Variants in CCDC171 observed in about 807,000 individuals in gnomAD.
CCDC171 encodes coiled-coil domain containing 171.
A neutral mutation model predicts 168.2 loss-of-function variants in CCDC171; 177 were observed. That is an observed-to-expected ratio of 1.05 (90% CI 0.93 to 1.19). The LOEUF (loss-of-function observed/expected upper bound fraction) is 1.19, where lower values mean the gene tolerates loss of function less well. Ranked by LOEUF, CCDC171 falls within the 50% of genes most tolerant of loss-of-function variation. CCDC171 has a pLI of 0.00. For missense variants in CCDC171, 1,991 were observed against 1,539.0 expected (o/e 1.29, Z -4.91); for synonymous variants, 687 against 540.8 (o/e 1.27, Z -3.75).
At chr9:16,056,772 G>A (rs1564138370) in intron 1 of CCDC171, among the ~76,000 whole-genome samples, 1 of 152,300 alleles carries the variant, frequency 6.6e-6, no homozygotes, top group Non-Finnish European at 1.5e-5. Context: ...AGAGGTGTGA[G>A]CCACTGTGGC....
chr9:15,625,793 A>G (rs2045032923), intron 7 of CCDC171, among the ~76,000 whole-genome samples: 1 of 152,102 alleles, frequency 6.6e-6, no homozygotes, highest in Non-Finnish European at 1.5e-5. Context: ...TTGTCTTGGC[A>G]ATGCGGGCTC....
chr9:15,898,674 ATGCTATATAT>A (rs1197419468), intron 24 of CCDC171, among the ~76,000 whole-genome samples: 3 of 152,288 alleles, frequency 2.0e-5, no homozygotes, highest in African/African-American at 7.2e-5. Flanking sequence ...AAATATTAGA[ATGCTATATAT>A]TTGCTTTTTT....
chr9:15,887,563 C>T (rs1819599559), intron 24 of CCDC171, among the ~76,000 whole-genome samples: 1 of 152,024 alleles, frequency 6.6e-6, no homozygotes, highest in Non-Finnish European at 1.5e-5. Flanking sequence ...AGCTCCAGGC[C>T]AGAAGTAGTT....
chr9:15,887,923 C>A, intron 24 of CCDC171: 1 of 152,274 alleles, frequency 6.6e-6, no homozygotes, highest in Non-Finnish European at 1.5e-5. Context: ...TCCATCTTTC[C>A]TAGTTCTTTG....
At chr9:15,574,697 T>C (rs1048301317) in intron 3 of CCDC171, among the ~76,000 whole-genome samples, 2 of 152,250 alleles carry the variant, frequency 1.3e-5, no homozygotes, top group Non-Finnish European at 2.9e-5. Context: ...TGCAGTGATT[T>C]AAAAACTAAG....
intron 18 of CCDC171, among the ~76,000 whole-genome samples, chr9:15,765,855 C>T (rs1002481715): frequency 2.0e-5 from 3 of 152,018 alleles, no homozygotes; most frequent in Non-Finnish European, 2.9e-5. Flanking sequence ...GAAAATTCTC[C>T]ATAGGTCTTG....
intron 10 of CCDC171, among the ~76,000 whole-genome samples, chr9:15,682,916 A>T (rs2050134881): frequency 6.6e-6 from 1 of 152,050 alleles, no homozygotes; most frequent in Non-Finnish European, 1.5e-5. Flanking sequence ...GATCATGCTT[A>T]TTAAAGTCCA....
rs182306785 is a variant in CCDC171, at chr9:15,949,305, G to T, written c.3754-22304G>T. On this transcript the variant is annotated intron_variant, in intron 25 of 25. Coordinates refer to ENST00000380701, the MANE Select transcript of CCDC171 (RefSeq NM_173550.4). ...GGCTTGGGATTGACTTGGCGATTCGGGCTTTTTTTGGTTCCATATGAACTT... is the reference window on the plus strand; with the variant it reads ...GGCTTGGGATTGACTTGGCGATTCGTGCTTTTTTTGGTTCCATATGAACTT... Among the ~76,000 whole-genome samples, 7 of 152,136 alleles carry T rather than the reference G, an allele frequency of 4.6e-5. No individual in the cohort carries two copies. The East Asian group carries it at 7.7e-4, about 17-fold the overall frequency.
At chr9:15,920,166 T>C in intron 24 of CCDC171, 104 bp from the exon 25 acceptor site, 1 of 605,414 alleles carries the variant, frequency 1.7e-6, no homozygotes. Flanking sequence ...AGATGAAAAG[T>C]TGTTTATTTT....
intron 20 of CCDC171, among the ~76,000 whole-genome samples, chr9:15,781,339 G>A (rs1279458813): frequency 1.3e-5 from 2 of 152,176 alleles, no homozygotes; most frequent in Non-Finnish European, 1.5e-5. Flanking sequence ...CTGGCTTTCA[G>A]TAATTAAGAG....
intron 9 of CCDC171, among the ~76,000 whole-genome samples, chr9:15,672,627 T>C (rs904650668): frequency 1.3e-5 from 2 of 152,094 alleles, no homozygotes; most frequent in Admixed American, 6.6e-5. Context: ...CCGTTTCTTG[T>C]TTTTGTCAGG....
At chr9:15,997,700 G>A (rs1346314761) in intron 3 of CCDC171, among the ~76,000 whole-genome samples, 19 of 152,062 alleles carry the variant, frequency 1.2e-4, no homozygotes, top group Non-Finnish European at 2.8e-4. Flanking sequence ...ACCTCTGCTG[G>A]TCTCAGGGAA....
chr9:15,664,129 G>C (rs2048537091), intron 8 of CCDC171, among the ~76,000 whole-genome samples: 1 of 152,118 alleles, frequency 6.6e-6, no homozygotes, highest in Non-Finnish European at 1.5e-5. Context: ...CTGGAAATGG[G>C]GTTGAGGGAT....
intron 7 of CCDC171, among the ~76,000 whole-genome samples, chr9:15,628,162 G>C (rs1039664682): frequency 6.6e-6 from 1 of 152,142 alleles, no homozygotes; most frequent in Non-Finnish European, 1.5e-5. Context: ...ACTAGGGAGT[G>C]CCAGACAGTG....
chr9:15,784,807 T>G, intron 21 of CCDC171, 113 bp downstream of exon 21: 1 of 759,896 alleles, frequency 1.3e-6, no homozygotes, highest in Non-Finnish European at 2.0e-6. Context: ...AAAATTTTAT[T>G]CTATGAGGAT....
intron 21 of CCDC171, among the ~76,000 whole-genome samples, chr9:15,799,321 G>T (rs998836534): frequency 6.6e-6 from 1 of 150,808 alleles, no homozygotes; most frequent in African/African-American, 2.4e-5. Flanking sequence ...GTTTCTTTTA[G>T]CACTTTAAAT....
chr9:16,034,845 T>A (rs1242342917), intron 6 of CCDC171, among the ~76,000 whole-genome samples: 1 of 152,172 alleles, frequency 6.6e-6, no homozygotes, highest in Non-Finnish European at 1.5e-5. Flanking sequence ...AGTCCTCCAT[T>A]TGGTTTTCAA....
intron 18 of CCDC171, among the ~76,000 whole-genome samples, chr9:15,769,018 A>G (rs1282187246): frequency 1.3e-5 from 2 of 152,222 alleles, no homozygotes; most frequent in South Asian, 2.1e-4. Flanking sequence ...ATTTAAGCCA[A>G]TGGAACTGCT....
chr9:15,812,464 G>A (rs2059397545), intron 21 of CCDC171, among the ~76,000 whole-genome samples: 3 of 152,034 alleles, frequency 2.0e-5, no homozygotes, highest in Admixed American at 1.3e-4. Context: ...CCACAAGTCT[G>A]GACTAAAATT....
Sources: allele counts gnomAD v4.1 joint callset (sites outside exome capture counted in the v4.1 genomes callset), GRCh38; gene constraint gnomAD v4.1.1; transcripts MANE v1.5; gene names NCBI Gene and HGNC (gene_info 2026-07-23, HGNC 2026-07-21).